BRD8: variants seen among roughly 807,000 people sequenced by gnomAD.
BRD8 encodes the protein bromodomain containing 8, also known as bromodomain-containing protein 8.
Under a neutral mutation model 143.1 loss-of-function variants are expected in BRD8, and 67 were observed. That is an observed-to-expected ratio of 0.47 (90% CI 0.38 to 0.57). BRD8 has a LOEUF of 0.57. Ranked by LOEUF, BRD8 falls within the 20% of genes least tolerant of loss-of-function variation. The pLI is 0.00. For synonymous variants in BRD8, 505 were observed against 517.1 expected, an observed-to-expected ratio of 0.98 and a Z score of 0.32; for missense variants, 1,103 against 1,503.0, an observed-to-expected ratio of 0.73 and a Z score of 4.40.
chr5:138,150,934 G>A lies in BRD8; in HGVS notation c.2931C>T (p.Thr977=), dbSNP rs1287825297. 1.2e-6 allele frequency: 2 copies of A among 1,614,022 alleles called. No homozygotes were observed. Among genetic ancestry groups the A allele is most frequent in the East Asian group, 2.2e-5 (1 of 44,892 alleles). Residue 977 remains threonine, a synonymous_variant, in exon 22 of 27, where the codon ACC becomes ACT. Coordinates refer to ENST00000254900, the MANE Select transcript of BRD8 (RefSeq NM_139199.2). ...CTTTAATTTCCCTTCCTTCTTGTCT[G>A]GTACCAGATGGAGGGCAGCAGCCTT... is the stretch of plus-strand genomic sequence containing the variant. ...SSEGCCPPSG[T]RQEGREIKAS... is the part of the protein sequence containing the mutation.
At chr5:138,177,692 A>AAAT (rs397721863) in intron 1 of BRD8, 25 bp from the exon 2 acceptor site, 1 of 1,466,234 alleles carries the variant, frequency 6.8e-7, no homozygotes, top group Non-Finnish European at 9.4e-7. Context: ...AAAAAAAAAA[A>AAAT]GCCTTGGAAA....
chr5:138,159,879 G>A (rs149393214), intron 19 of BRD8, among the ~76,000 whole-genome samples, 190 bp downstream of exon 19: 9 of 152,300 alleles, frequency 5.9e-5, no homozygotes, highest in African/African-American at 9.6e-5. Flanking sequence ...CCATGTGACT[G>A]GGCCTTTCGG....
chr5:138,159,620 A>T, intron 19 of BRD8, 21 bp from the exon 20 acceptor site: 3 of 1,613,072 alleles, frequency 1.9e-6, no homozygotes, highest in Non-Finnish European at 2.5e-6. Flanking sequence ...ACAAACAAAC[A>T]CTGATCAGGT....
intron 23 of BRD8, 21 bp from the exon 24 acceptor site, chr5:138,145,899 G>A (rs375869120): frequency 5.0e-6 from 8 of 1,592,482 alleles, no homozygotes; most frequent in Non-Finnish European, 5.2e-6. Context: ...AAAACATGAA[G>A]AAAAGAGACA....
chr5:138,165,758 C>A, intron 11 of BRD8, 70 bp downstream of exon 11: 1 of 1,443,136 alleles, frequency 6.9e-7, no homozygotes, highest in Non-Finnish European at 9.3e-7. Flanking sequence ...GCAGCAGCAC[C>A]AAAGTGAGGC....
intron 20 of BRD8, among the ~76,000 whole-genome samples, chr5:138,154,036 T>C (rs577845880): frequency 6.6e-4 from 100 of 152,330 alleles, no homozygotes; most frequent in African/African-American, 2.3e-3. Context: ...CCTTCTCTTA[T>C]ATTCAGTAAG....
chr5:138,164,794 T>C lies in BRD8; in HGVS notation c.1651A>G (p.Thr551Ala). 6.2e-7 allele frequency: 1 copy of C among 1,614,216 alleles called. No homozygotes were observed. Among genetic ancestry groups the C allele is most frequent in the Non-Finnish European group, 8.5e-7 (1 of 1,180,026 alleles). ...SQDLDEELGS[T>A]AAGEIVEADV... The stretch of plus-strand genomic sequence containing the variant: ...GCTTCAACAATCTCTCCAGCTGCAG[T>C]ACTTCCCAGTTCCTCATCTAAGTCC... The change falls in exon 12 of 27, where the codon ACT becomes GCT. Residue 551 changes from threonine (T) to alanine (A), a missense_variant. Around this residue, in one of 7 missense-constraint regions of BRD8, gnomAD observed 139 missense variants for 139.0 expected, o/e 1.00. Transcript: ENST00000254900.
At chr5:138,148,678 C>A (rs1031161964) in intron 23 of BRD8, among the ~76,000 whole-genome samples, 3 of 151,810 alleles carry the variant, frequency 2.0e-5, no homozygotes, top group African/African-American at 7.3e-5. Context: ...CTAATTTTTT[C>A]TTTAAAAAAA....
chr5:138,175,697 T>TAA (rs11369426), intron 2 of BRD8, among the ~76,000 whole-genome samples: 107 of 139,062 alleles, frequency 7.7e-4, no homozygotes, highest in East Asian at 5.0e-3. Context: ...ATATTTAAAT[T>TAA]AAAAAAAAAA....
intron 6 of BRD8, 36 bp from the exon 7 acceptor site, chr5:138,170,445 T>C: frequency 6.2e-7 from 1 of 1,612,500 alleles, no homozygotes; most frequent in Non-Finnish European, 8.5e-7. Context: ...GCTAGACAGC[T>C]CTGGCTCCTC....
chr5:138,172,468 G>A (rs7735325), intron 2 of BRD8, among the ~76,000 whole-genome samples: 125,770 of 138,608 alleles, frequency 0.91, 57,272 homozygotes, highest in East Asian at 1. Context: ...GGTCACAGTG[G>A]GCCGAGATCT....
intron 24 of BRD8, 129 bp from the exon 25 acceptor site, chr5:138,145,374 T>C: frequency 1.4e-6 from 1 of 718,572 alleles, no homozygotes; most frequent in Non-Finnish European, 2.3e-6. Context: ...GGAAAAAATC[T>C]ATTTGTTCCC....
At chr5:138,142,604 A>G (rs1009741777) in intron 25 of BRD8, among the ~76,000 whole-genome samples, 6 of 151,868 alleles carry the variant, frequency 4.0e-5, no homozygotes, top group Non-Finnish European at 7.4e-5. Context: ...CTCTACTAAA[A>G]ATACAAAAAT....
At position 138,170,744 on chromosome 5, in the gene BRD8, C is replaced by T. The variant is rs144583940; in HGVS notation, c.440+88G>A. On this transcript the variant is annotated intron_variant, in intron 6 of 26. Transcript: ENST00000254900. The stretch of plus-strand genomic sequence containing the variant: ...AGAATCTGTCTCAAGTCTAAAGGGA[C>T]GGCAATTGGAGGAAATAAGCCAGAT... The T allele has an allele frequency of 1.1e-3, 1,368 of 1,222,538 alleles. 11 individuals carry two copies. The African/African-American group carries it at 0.013, about 12-fold the overall frequency. 75.7% of individuals were successfully genotyped at this position (1,222,538 alleles called of 1,614,324 possible).
At chr5:138,141,739 A>C (rs1482846123) in intron 25 of BRD8, among the ~76,000 whole-genome samples, 1 of 152,236 alleles carries the variant, frequency 6.6e-6, no homozygotes, top group Admixed American at 6.5e-5. Flanking sequence ...CATGGAGATG[A>C]AAAAAGGATC....
At chr5:138,152,969 A>G (rs569385177) in intron 20 of BRD8, among the ~76,000 whole-genome samples, 15 of 152,360 alleles carry the variant, frequency 9.8e-5, no homozygotes, top group Admixed American at 7.8e-4. Context: ...CCATGTCAGT[A>G]TAACAGAGAT....
chr5:138,169,497 T>C, intron 7 of BRD8, 139 bp from the exon 8 acceptor site: 1 of 979,544 alleles, frequency 1.0e-6, no homozygotes. Flanking sequence ...ATTAGAAAGC[T>C]TTAACACTTC....
At chr5:138,166,147 T>C (rs762045538) in intron 10 of BRD8, 39 bp from the exon 11 acceptor site, 39 of 1,513,144 alleles carry the variant, frequency 2.6e-5, no homozygotes, top group Non-Finnish European at 3.5e-5. Context: ...AGAAGCTTAT[T>C]GGGTACAAAG....
At chr5:138,159,877 CT>C (rs1240107892) in intron 19 of BRD8, among the ~76,000 whole-genome samples, 191 bp downstream of exon 19, 1 of 152,230 alleles carries the variant, frequency 6.6e-6, no homozygotes, top group Admixed American at 6.5e-5. Flanking sequence ...TCCCATGTGA[CT>C]GGGCCTTTCG....
Sources: gnomAD v4.1 joint callset for allele counts (sites outside exome capture counted in the v4.1 genomes callset) on GRCh38, gnomAD v4.1.1 for gene constraint, gnomAD v4.1.1 regional missense constraint, MANE v1.5 for transcripts, NCBI Gene and HGNC (gene_info 2026-07-23, HGNC 2026-07-21) for gene names.